Variants in VPS13A observed in about 807,000 individuals in gnomAD.
The protein encoded by VPS13A is intermembrane lipid transfer protein VPS13A.
A neutral mutation model predicts 390.9 loss-of-function variants in VPS13A; 264 were observed. That is an observed-to-expected ratio of 0.68 (90% CI 0.61 to 0.75). The LOEUF is 0.75. Among genes scored for constraint, VPS13A ranks in the 30% least tolerant of loss-of-function variants. The probability of loss-of-function intolerance (pLI) is 0.00; values close to 1 mark genes in which losing one functional copy is unlikely to be tolerated. For missense variants in VPS13A, 3,409 were observed against 3,733.9 expected, an observed-to-expected ratio of 0.91 and a Z score of 2.27; for synonymous variants, 1,231 against 1,227.1, an observed-to-expected ratio of 1.00 and a Z score of -0.07.
At chr9:77,317,033 T>C (rs1197708098) in intron 39 of VPS13A, among the ~76,000 whole-genome samples, 1 of 152,062 alleles carries the variant, frequency 6.6e-6, no homozygotes, top group Non-Finnish European at 1.5e-5. Flanking sequence ...GCATAAGTTT[T>C]TGTTTGTTTC....
At chr9:77,394,133 T>C (rs1320606936) in intron 68 of VPS13A, among the ~76,000 whole-genome samples, 13 of 152,116 alleles carry the variant, frequency 8.5e-5, no homozygotes, top group Admixed American at 8.5e-4. Context: ...GATATGGCCT[T>C]GGCTTATTGC....
intron 13 of VPS13A, among the ~76,000 whole-genome samples, chr9:77,222,132 A>G (rs1471477095): frequency 6.6e-6 from 1 of 152,082 alleles, no homozygotes; most frequent in Admixed American, 6.6e-5. Flanking sequence ...TGAATTTCTA[A>G]TTTATAGATT....
Position 77,420,149 on chromosome 9 carries a change from A to C in VPS13A, c.*4143A>C, listed in dbSNP as rs1049686468. 8 of 152,156 alleles carry C rather than the reference A, an allele frequency of 5.3e-5. No homozygotes were observed. The highest frequency in any genetic ancestry group is 1.9e-4 in the African/African-American group (8 of 41,436). The allele number at this position is 152,156 out of a possible 1,614,324, so 9.4% of individuals were successfully genotyped here. A position where few individuals can be genotyped will look rare whatever the true frequency, so the allele number is the denominator to read the frequency against. The stretch of plus-strand genomic sequence containing the variant: ...AAATTATACCTTATTGTTAATGGCA[A>C]CCTAATCAAGCTAGGATTTGTCGGT... On this transcript the variant is annotated 3_prime_UTR_variant, in exon 72 of 72. Coordinates refer to ENST00000360280, the MANE Select transcript of VPS13A (RefSeq NM_033305.3).
chr9:77,193,749 C>T (rs1026281511), intron 1 of VPS13A, among the ~76,000 whole-genome samples: 2 of 152,174 alleles, frequency 1.3e-5, no homozygotes, highest in Non-Finnish European at 1.5e-5. Flanking sequence ...GATTCTTTCT[C>T]ATCTTTGTGG....
At chr9:77,345,795 C>A (rs1831115914) in intron 52 of VPS13A, among the ~76,000 whole-genome samples, 1 of 152,112 alleles carries the variant, frequency 6.6e-6, no homozygotes, top group African/African-American at 2.4e-5. Context: ...CCACTGCTAA[C>A]TGTACAACTT....
At position 77,213,042 on chromosome 9, in the gene VPS13A, GTGTT is replaced by G; in HGVS notation, c.615+18_615+21del. On this transcript the variant is annotated intron_variant, in intron 8 of 71. Transcript: ENST00000360280. ...CTGGTTCGTAAGGTAAATAAATACT[GTGTT>G]TGTCAACTCATGGACTTAAGAGAAT... The G allele has an allele frequency of 6.2e-7, 1 of 1,613,520 alleles. No homozygotes were observed. The highest frequency in any genetic ancestry group is 8.5e-7 in the Non-Finnish European group (1 of 1,179,716).
intron 50 of VPS13A, among the ~76,000 whole-genome samples, chr9:77,341,814 A>C (rs1411260585): frequency 2.7e-5 from 4 of 146,174 alleles, no homozygotes; most frequent in Non-Finnish European, 5.9e-5. Context: ...TTTTTCAAGT[A>C]TATTCATTCT....
chr9:77,407,878 TAAA>T (rs375251149), intron 71 of VPS13A, among the ~76,000 whole-genome samples: 3 of 152,276 alleles, frequency 2.0e-5, no homozygotes, highest in East Asian at 1.9e-4. Flanking sequence ...TTTTTTTTAA[TAAA>T]AAAGTCAACA....
chr9:77,183,650 A>G (rs886950895), intron 1 of VPS13A, among the ~76,000 whole-genome samples: 1 of 152,260 alleles, frequency 6.6e-6, no homozygotes, highest in African/African-American at 2.4e-5. Flanking sequence ...AAAATGTTAA[A>G]CAACTTGGGA....
intron 10 of VPS13A, among the ~76,000 whole-genome samples, chr9:77,217,969 T>G (rs1822959036): frequency 6.6e-6 from 1 of 151,990 alleles, no homozygotes; most frequent in Non-Finnish European, 1.5e-5. Context: ...CACCAACATG[T>G]GTCATTTTTT....
chr9:77,338,368 AG>A (rs1434843513), intron 47 of VPS13A: 1 of 152,166 alleles, frequency 6.6e-6, no homozygotes, highest in Non-Finnish European at 1.5e-5. Flanking sequence ...AAATTATCAT[AG>A]TGGTTAAGAA....
chr9:77,258,774 G>C (rs2150904), intron 22 of VPS13A, among the ~76,000 whole-genome samples: 1 of 151,766 alleles, frequency 6.6e-6, no homozygotes, highest in African/African-American at 2.4e-5. Context: ...TTAAAGATCT[G>C]TGCGATTTCT....
rs1475450195 is a variant in VPS13A at position 77,209,499 on chromosome 9, A to G, written c.462A>G (p.Lys154=). The G allele has an allele frequency of 1.2e-6, 2 of 1,609,074 alleles. No homozygotes were observed. Among genetic ancestry groups the G allele is most frequent in the South Asian group, 1.1e-5 (1 of 90,592 alleles). The change falls in exon 6 of 72, where the codon AAA becomes AAG. Residue 154 remains lysine (K), a synonymous_variant. Transcript: ENST00000360280. ...AGATCATAAAAAATCTTCAGGTGAA[A>G]ATTTCCAGTATCCATATTCGTTATG... The part of the protein sequence containing the change: ...VTQIIKNLQV[K]ISSIHIRYED...
chr9:77,191,878 T>C (rs574023255), intron 1 of VPS13A, among the ~76,000 whole-genome samples: 1 of 152,286 alleles, frequency 6.6e-6, no homozygotes, highest in South Asian at 2.1e-4. Context: ...TGAGGTGTTC[T>C]GTAGAACTCT....
chr9:77,193,667 C>T (rs896357813), intron 1 of VPS13A, among the ~76,000 whole-genome samples: 1 of 152,094 alleles, frequency 6.6e-6, no homozygotes, highest in African/African-American at 2.4e-5. Context: ...AGAACCATTG[C>T]TGGGGAGCTA....
At chr9:77,211,006 A>T (rs1825947934) in intron 7 of VPS13A, among the ~76,000 whole-genome samples, 1 of 152,222 alleles carries the variant, frequency 6.6e-6, no homozygotes, top group Admixed American at 6.5e-5. Context: ...TAAGCCTTGA[A>T]AAACAAAAAT....
chr9:77,297,579 TG>T (rs751595913), intron 33 of VPS13A, among the ~76,000 whole-genome samples: 2 of 151,616 alleles, frequency 1.3e-5, no homozygotes, highest in East Asian at 1.9e-4. Flanking sequence ...GTCTTTTTTT[TG>T]GGGGGGCAGG....
At chr9:77,379,845 T>C (rs1161737800) in intron 67 of VPS13A, among the ~76,000 whole-genome samples, 2 of 152,246 alleles carry the variant, frequency 1.3e-5, no homozygotes, top group African/African-American at 2.4e-5. Context: ...TTGAACGTTC[T>C]ATAGACATCT....
At chr9:77,231,434 A>G (rs2131210798) in intron 17 of VPS13A, among the ~76,000 whole-genome samples, 1 of 151,818 alleles carries the variant, frequency 6.6e-6, no homozygotes, top group Admixed American at 6.6e-5. Context: ...CATTCCCAAC[A>G]CTTGTTATTT....
Sources: gnomAD v4.1 joint callset for allele counts (sites outside exome capture counted in the v4.1 genomes callset) on GRCh38, gnomAD v4.1.1 for gene constraint, MANE v1.5 for transcripts, NCBI Gene and HGNC (gene_info 2026-07-23, HGNC 2026-07-21) for gene names.